Variants in CNTN5 observed in about 807,000 individuals in gnomAD.
CNTN5 encodes contactin 5.
In CNTN5, 77 loss-of-function variants were observed where a neutral mutation model predicts 129.1. The observed-to-expected ratio is 0.60, with a 90% CI of 0.50 to 0.72. CNTN5 has a LOEUF of 0.72. CNTN5 is among the 30% of genes least tolerant of loss of function. The pLI is 0.00. For missense variants in CNTN5, 1,478 were observed against 1,328.8 expected (o/e 1.11, Z -1.75); for synonymous variants, 509 against 465.6 (o/e 1.09, Z -1.20).
At chr11:99,977,935 G>C (rs1401678723) in intron 8 of CNTN5, among the ~76,000 whole-genome samples, 2 of 152,196 alleles carry the variant, frequency 1.3e-5, no homozygotes, top group African/African-American at 4.8e-5. Context: ...GAGAATTTCA[G>C]TGCAGTAATT....
At position 100,031,371 on chromosome 11, in the gene CNTN5, A is replaced by T. The variant is rs533648333; in HGVS notation, c.980+29235A>T. On this transcript the variant is annotated intron_variant, in intron 9 of 24. Coordinates refer to ENST00000524871, the MANE Select transcript of CNTN5 (RefSeq NM_014361.4). Reference sequence around the variant, plus strand: ...AGAGCCTATGAGTGGACGTGCAGTCAGGGAGGTTTCACATCACCAAGATTC... The same window carrying T: ...AGAGCCTATGAGTGGACGTGCAGTCTGGGAGGTTTCACATCACCAAGATTC... Among the ~76,000 whole-genome samples, 5 of 152,304 alleles carry T rather than the reference A, an allele frequency of 3.3e-5. No homozygotes were observed. In the South Asian group the frequency reaches 1.0e-3, roughly 32 times the overall value.
chr11:99,766,034 A>G (rs1011571236), intron 3 of CNTN5, among the ~76,000 whole-genome samples: 1 of 152,062 alleles, frequency 6.6e-6, no homozygotes, highest in African/African-American at 2.4e-5. Flanking sequence ...ATTAGAGAAC[A>G]TGAATATTTT....
intron 7 of CNTN5, among the ~76,000 whole-genome samples, chr11:99,923,744 A>G (rs2136044256): frequency 8.2e-6 from 1 of 122,258 alleles, no homozygotes; most frequent in South Asian, 2.7e-4. Context: ...CTGTCTATCT[A>G]ATCTATCTGT....
rs188089399 is a variant in CNTN5, at chr11:100,022,955, C to A, written c.980+20819C>A. On this transcript the variant is annotated intron_variant, in intron 9 of 24. Coordinates refer to ENST00000524871, the MANE Select transcript of CNTN5 (RefSeq NM_014361.4). Reference sequence around the variant, plus strand: ...TCTCTGACTGCTTTCAAGATTATCTCTTTATAATAAGTTTTATGGAATTTT... The same window carrying A: ...TCTCTGACTGCTTTCAAGATTATCTATTTATAATAAGTTTTATGGAATTTT... Among the ~76,000 whole-genome samples, 17 of 152,052 alleles carry A rather than the reference C, an allele frequency of 1.1e-4. No homozygotes were observed. In the East Asian group the frequency reaches 2.9e-3, roughly 26 times the overall value.
At chr11:100,060,968 T>C (rs1244423921) in intron 9 of CNTN5, among the ~76,000 whole-genome samples, 1 of 84,664 alleles carries the variant, frequency 1.2e-5, no homozygotes, top group Non-Finnish European at 2.4e-5. Context: ...TAAATCATAA[T>C]TGGTTACAAC....
chr11:99,131,249 G>GAAA (rs71046664), intron 1 of CNTN5, among the ~76,000 whole-genome samples: 2 of 67,192 alleles, frequency 3.0e-5, no homozygotes, highest in Admixed American at 2.4e-4. Flanking sequence ...CTCCATCTCA[G>GAAA]AAAAAAAAAA....
At chr11:100,008,207 A>G (rs1394204260) in intron 9 of CNTN5, among the ~76,000 whole-genome samples, 1 of 152,124 alleles carries the variant, frequency 6.6e-6, no homozygotes, top group Admixed American at 6.6e-5. Flanking sequence ...AATTTCCAAA[A>G]TGGGACACAG....
intron 6 of CNTN5, among the ~76,000 whole-genome samples, chr11:99,891,317 A>G (rs752667362): frequency 2.6e-5 from 4 of 151,496 alleles, no homozygotes; most frequent in Non-Finnish European, 5.9e-5. Flanking sequence ...TTATTTTTTG[A>G]TGTCCCAATA....
chr11:100,307,885 A>C (rs1343902337), intron 20 of CNTN5, among the ~76,000 whole-genome samples: 1 of 151,740 alleles, frequency 6.6e-6, no homozygotes, highest in Non-Finnish European at 1.5e-5. Flanking sequence ...TAAATCTATG[A>C]GATAAATACT....
At chr11:100,124,411 A>G (rs1946120230) in intron 13 of CNTN5, among the ~76,000 whole-genome samples, 1 of 152,048 alleles carries the variant, frequency 6.6e-6, no homozygotes, top group Non-Finnish European at 1.5e-5. Context: ...CAAGAAAATT[A>G]TTATAGATCC....
chr11:99,108,968 C>CAT (rs1857648218), intron 1 of CNTN5, among the ~76,000 whole-genome samples: 1 of 151,360 alleles, frequency 6.6e-6, no homozygotes, highest in Admixed American at 6.6e-5. Flanking sequence ...ATTTATTAAG[C>CAT]ATATATATAC....
At chr11:99,772,270 C>A (rs1944972796) in intron 3 of CNTN5, among the ~76,000 whole-genome samples, 2 of 151,804 alleles carry the variant, frequency 1.3e-5, no homozygotes, top group African/African-American at 4.8e-5. Context: ...ATAGTGTAGT[C>A]AAACATCCAC....
At chr11:100,327,162 T>C (rs925658898) in intron 21 of CNTN5, among the ~76,000 whole-genome samples, 3 of 152,232 alleles carry the variant, frequency 2.0e-5, no homozygotes, top group Admixed American at 6.5e-5. Context: ...ACAAACCTAA[T>C]TGTGCCACAG....
intron 3 of CNTN5, among the ~76,000 whole-genome samples, chr11:99,657,324 A>T (rs922118339): frequency 6.6e-6 from 1 of 152,090 alleles, no homozygotes; most frequent in African/African-American, 2.4e-5. Context: ...GTATAAAATA[A>T]ATATACCTGC....
At chr11:99,067,437 AAAAG>A (rs935566838) in intron 1 of CNTN5, among the ~76,000 whole-genome samples, 2 of 152,258 alleles carry the variant, frequency 1.3e-5, no homozygotes, top group African/African-American at 4.8e-5. Context: ...AAAAAAAAAA[AAAAG>A]GTGAAATCTT....
chr11:99,773,472 T>C (rs886064366), intron 3 of CNTN5, among the ~76,000 whole-genome samples: 1 of 152,118 alleles, frequency 6.6e-6, no homozygotes, highest in African/African-American at 2.4e-5. Flanking sequence ...CTTTGGTTTT[T>C]AAGGTCATTT....
At chr11:99,442,182 T>TA (rs1565585399) in intron 2 of CNTN5, among the ~76,000 whole-genome samples, 34 of 150,638 alleles carry the variant, frequency 2.3e-4, no homozygotes, top group African/African-American at 8.3e-4. Context: ...CTATATATAT[T>TA]TTTTTTTTAA....
intron 1 of CNTN5, among the ~76,000 whole-genome samples, chr11:99,164,279 C>T (rs751235942): frequency 1.8e-4 from 27 of 146,922 alleles, no homozygotes; most frequent in Admixed American, 6.9e-5. Context: ...GCCGAGATCG[C>T]GCCACTATAC....
intron 9 of CNTN5, among the ~76,000 whole-genome samples, chr11:100,022,644 T>A (rs571576502): frequency 1.3e-5 from 2 of 152,338 alleles, no homozygotes; most frequent in South Asian, 2.1e-4. Context: ...TTTGTTTAGA[T>A]AACTGGTTTA....
Sources: allele counts gnomAD v4.1 joint callset (sites outside exome capture counted in the v4.1 genomes callset), GRCh38; gene constraint gnomAD v4.1.1; transcripts MANE v1.5; gene names NCBI Gene and HGNC (gene_info 2026-07-23, HGNC 2026-07-21).